Variants in ZNF502 observed in about 807,000 individuals in gnomAD.
The protein encoded by ZNF502 is zinc finger protein 502.
A neutral mutation model predicts 43.6 loss-of-function variants in ZNF502; 29 were observed. That is an observed-to-expected ratio of 0.67 (90% confidence interval 0.50 to 0.91). The LOEUF is 0.91. Among genes scored for constraint, ZNF502 ranks in the 40% least tolerant of loss-of-function variants. ZNF502 has a pLI of 0.00. For synonymous variants in ZNF502, 171 were observed against 207.4 expected (o/e 0.82, Z 1.51); for missense variants, 591 against 647.2 (o/e 0.91, Z 0.94).
Position 44,722,262 on chromosome 3 carries a change from A to T in ZNF502, c.1445A>T (p.His482Leu), listed in dbSNP as rs376603367. ...CATAGCTCATCTCTTACTGAACATCATAGAACTCACACTGGTGAGAAGCTC... is the reference window on the plus strand; with the variant it reads ...CATAGCTCATCTCTTACTGAACATCTTAGAACTCACACTGGTGAGAAGCTC... ...FAHSSSLTEHHRTHTGEKLYK... is the reference protein window; with the variant it reads ...FAHSSSLTEHLRTHTGEKLYK... Residue 482 changes from histidine (H) to leucine (L), a missense_variant, in exon 3 of 3, where the codon CAT (histidine) becomes CTT (leucine). Transcript: ENST00000436624. 3 of 1,614,118 alleles carry T rather than the reference A, an allele frequency of 1.9e-6. No homozygotes were observed. In the African/African-American group the frequency reaches 4.0e-5, roughly 22 times the overall value.
rs1704373526 is a variant in ZNF502, at chr3:44,722,190, C to A, written c.1373C>A (p.Thr458Asn). 1 of 1,614,062 alleles carries A rather than the reference C, an allele frequency of 6.2e-7. No individual in the cohort carries two copies. Among genetic ancestry groups the A allele is most frequent in the African/African-American group, 1.3e-5 (1 of 74,928 alleles). Reference sequence around the variant, plus strand: ...CTCACTCAGCATATGAGAATTCATACTGGAGAGAAGCCCTATAAATGTAAA... The same window carrying A: ...CTCACTCAGCATATGAGAATTCATAATGGAGAGAAGCCCTATAAATGTAAA... ...TCLTQHMRIH[T>N]GEKPYKCKEC... Residue 458 changes from threonine (T) to asparagine (N), a missense_variant, in exon 3 of 3, where the codon ACT (threonine) becomes AAT (asparagine). By Grantham distance (65) the Thr-to-Asn change is moderately conservative (BLOSUM62 0). Transcript: ENST00000436624.
intron 1 of ZNF502, among the ~76,000 whole-genome samples, chr3:44,719,514 T>TA (rs768226563): frequency 6.6e-6 from 1 of 152,262 alleles, no homozygotes; most frequent in Non-Finnish European, 1.5e-5. Context: ...TTGGTATTGA[T>TA]ATTTTTAAGA....
intron 1 of ZNF502, among the ~76,000 whole-genome samples, chr3:44,715,914 A>G (rs539755697): frequency 6.6e-4 from 100 of 152,124 alleles, no homozygotes; most frequent in Admixed American, 1.5e-3. Context: ...AAATTTTACT[A>G]TACTGGATTT....
intron 1 of ZNF502, chr3:44,714,782 C>T (rs981279723): frequency 1.3e-5 from 2 of 152,206 alleles, no homozygotes; most frequent in Non-Finnish European, 2.9e-5. Context: ...TGAATTAACT[C>T]ATCAAGGATT....
In ZNF502 at chr3:44,721,583, G is replaced by A. The variant is rs1353879378; in HGVS notation, c.766G>A (p.Glu256Lys). 2 of 1,613,290 alleles carry A rather than the reference G, an allele frequency of 1.2e-6. No individual in the cohort carries two copies. Among genetic ancestry groups the A allele is most frequent in the South Asian group, 1.1e-5 (1 of 91,044 alleles). ...NSFRNHSHLT[E>K]HQRIHTGEKP... ...CTTCCGCAATCACTCACATCTCACT[G>A]AACACCAGAGAATTCACACTGGAGA... Residue 256 changes from glutamate to lysine, a missense_variant, in exon 3 of 3, where the codon GAA becomes AAA. Physicochemically the swap from Glu to Lys is moderately conservative, Grantham distance 56 (BLOSUM62 1). Coordinates refer to ENST00000436624, the MANE Select transcript of ZNF502 (RefSeq NM_001134442.3).
At position 44,723,516 on chromosome 3, in the gene ZNF502, A is replaced by G. The variant is rs1325991225; in HGVS notation, c.*1064A>G. On this transcript the variant is annotated 3_prime_UTR_variant, in exon 3 of 3. Coordinates refer to ENST00000436624, the MANE Select transcript of ZNF502 (RefSeq NM_001134442.3). ...AGAAAGAATTTTCACTTGGTTGGAC[A>G]TTGGGGCTCTTAAGAAAGTTGACAT... 0.013 allele frequency: 1 copy of G among 80 alleles called. No homozygotes were observed. The highest frequency in any genetic ancestry group is 0.12 in the East Asian group (1 of 8). 0.0% of individuals were successfully genotyped at this position (80 alleles called of 1,614,324 possible).
At chr3:44,718,072 A>G (rs988264718) in intron 1 of ZNF502, among the ~76,000 whole-genome samples, 3 of 152,182 alleles carry the variant, frequency 2.0e-5, no homozygotes, top group Non-Finnish European at 4.4e-5. Flanking sequence ...AAAACTCTTC[A>G]GGCCACACCT....
At chr3:44,719,595 A>G (rs907948052) in intron 1 of ZNF502, among the ~76,000 whole-genome samples, 8 of 152,158 alleles carry the variant, frequency 5.3e-5, no homozygotes, top group Non-Finnish European at 1.2e-4. Flanking sequence ...AGTTAAATTT[A>G]TTTCTGTTTC....
At chr3:44,716,323 G>T (rs1417663868) in intron 1 of ZNF502, among the ~76,000 whole-genome samples, 3 of 152,026 alleles carry the variant, frequency 2.0e-5, no homozygotes, top group Non-Finnish European at 4.4e-5. Flanking sequence ...GAGTAGCTGA[G>T]ATTACAGGTG....
Position 44,721,266 on chromosome 3 carries a change from C to T in ZNF502, c.449C>T (p.Thr150Ile). ...SDQSKCPTLCTQKKSWKCNEC... is the reference protein window; with the variant it reads ...SDQSKCPTLCIQKKSWKCNEC... ...CAAAGTAAATGTCCAACTCTCTGCA[C>T]ACAGAAAAAATCTTGGAAATGTAAT... The change falls in exon 3 of 3, where the codon ACA (threonine) becomes ATA (isoleucine). Residue 150 changes from threonine to isoleucine, a missense_variant. By Grantham distance (89) the Thr-to-Ile change is moderately conservative. Coordinates refer to ENST00000436624, the MANE Select transcript of ZNF502 (RefSeq NM_001134442.3). The T allele has an allele frequency of 6.2e-7, 1 of 1,614,098 alleles. No individual in the cohort carries two copies. The highest frequency in any genetic ancestry group is 1.1e-5 in the South Asian group (1 of 91,086).
At chr3:44,716,891 T>C (rs1704160212) in intron 1 of ZNF502, among the ~76,000 whole-genome samples, 1 of 152,252 alleles carries the variant, frequency 6.6e-6, no homozygotes, top group Non-Finnish European at 1.5e-5. Context: ...TCCATTTTTC[T>C]CTCAGTTCAT....
chr3:44,719,469 A>C (rs188165676), intron 1 of ZNF502, among the ~76,000 whole-genome samples: 38 of 152,308 alleles, frequency 2.5e-4, no homozygotes, highest in African/African-American at 8.7e-4. Flanking sequence ...TCTCACTTCA[A>C]GGTTAAATGG....
Position 44,722,056 on chromosome 3 carries a change from T to G in ZNF502, c.1239T>G (p.Gly413=). The part of the protein sequence containing the change: ...GERPYKCSEC[G]KAFIQSICLI... ...GACCCTACAAATGCAGTGAATGTGGTAAAGCCTTCATTCAGAGCATTTGCC... is the reference window on the plus strand; with the variant it reads ...GACCCTACAAATGCAGTGAATGTGGGAAAGCCTTCATTCAGAGCATTTGCC... Residue 413 remains glycine (G), a synonymous_variant, in exon 3 of 3, where the codon GGT becomes GGG. Coordinates refer to ENST00000436624, the MANE Select transcript of ZNF502 (RefSeq NM_001134442.3). 6.2e-7 allele frequency: 1 copy of G among 1,614,100 alleles called. No homozygotes were observed. Among genetic ancestry groups the G allele is most frequent in the Non-Finnish European group, 8.5e-7 (1 of 1,180,008 alleles).
At chr3:44,713,902 G>A (rs1251686635) in intron 1 of ZNF502, among the ~76,000 whole-genome samples, 1 of 152,160 alleles carries the variant, frequency 6.6e-6, no homozygotes, top group Middle Eastern at 3.2e-3. Flanking sequence ...TTAAGTGAGG[G>A]AACTGAGGTA....
chr3:44,715,922 T>C (rs1704131536), intron 1 of ZNF502, among the ~76,000 whole-genome samples: 1 of 152,168 alleles, frequency 6.6e-6, no homozygotes, highest in Non-Finnish European at 1.5e-5. Context: ...CTATACTGGA[T>C]TTTTTCAACA....
rs1354076007 is a variant in ZNF502 at position 44,722,391 on chromosome 3, G to T, written c.1574G>T (p.Gly525Val). The T allele has an allele frequency of 1.2e-5, 20 of 1,614,158 alleles. No homozygotes were observed. The highest frequency in any genetic ancestry group is 1.5e-5 in the Non-Finnish European group (18 of 1,180,026). Residue 525 changes from glycine (G) to valine (V), a missense_variant, in exon 3 of 3, where the codon GGA becomes GTA. Physicochemically the swap from Gly to Val is moderately radical, Grantham distance 109 (BLOSUM62 -3). Transcript: ENST00000436624. Reference sequence around the variant, plus strand: ...AAGCCTTATGAGTGTATTGAGTGTGGAAAGTTCTTCAGACATAGTTCAGTC... The same window carrying T: ...AAGCCTTATGAGTGTATTGAGTGTGTAAAGTTCTTCAGACATAGTTCAGTC... ...GEKPYECIEC[G>V]KFFRHSSVLF...
intron 1 of ZNF502, among the ~76,000 whole-genome samples, chr3:44,716,883 C>T (rs951413375): frequency 6.6e-6 from 1 of 152,012 alleles, no homozygotes; most frequent in Non-Finnish European, 1.5e-5. Flanking sequence ...TTGTATTTTC[C>T]ATTTTTCTCT....
intron 1 of ZNF502, among the ~76,000 whole-genome samples, chr3:44,713,147 G>A (rs1320733513): frequency 2.0e-5 from 3 of 152,196 alleles, no homozygotes; most frequent in Non-Finnish European, 4.4e-5. Context: ...TATAGGAGAC[G>A]GCAAATAGCG....
intron 1 of ZNF502, among the ~76,000 whole-genome samples, chr3:44,715,234 A>T (rs1704114156): frequency 6.6e-6 from 1 of 152,152 alleles, no homozygotes; most frequent in Non-Finnish European, 1.5e-5. Flanking sequence ...ATATGTGTGC[A>T]TATTTCTTGT....
Sources: allele counts gnomAD v4.1 joint callset (sites outside exome capture counted in the v4.1 genomes callset), GRCh38; gene constraint gnomAD v4.1.1; transcripts MANE v1.5; gene names NCBI Gene and HGNC (gene_info 2026-07-23, HGNC 2026-07-21).